DNAJB6: variants seen among roughly 807,000 people sequenced by gnomAD.
DNAJB6 encodes DnaJ heat shock protein family (Hsp40) member B6.
Under a neutral mutation model 42.7 loss-of-function variants are expected in DNAJB6, and 16 were observed. That is an observed-to-expected ratio of 0.37 (90% confidence interval 0.25 to 0.57). The LOEUF (loss-of-function observed/expected upper bound fraction) is 0.57. Ranked by LOEUF, DNAJB6 falls within the 20% of genes least tolerant of loss-of-function variation. The pLI is 0.74. For synonymous variants in DNAJB6, 170 were observed against 163.5 expected, an observed-to-expected ratio of 1.04 and a Z score of -0.30; for missense variants, 347 against 416.8, an observed-to-expected ratio of 0.83 and a Z score of 1.46.
intron 8 of DNAJB6, chr7:157,386,398 C>A: frequency 1.3e-6 from 1 of 751,236 alleles, no homozygotes; most frequent in Non-Finnish European, 1.6e-6. Context: ...GCTGTTCATT[C>A]AGGTGGATGC....
chr7:157,342,408 G>A (rs566864725), intron 1 of DNAJB6, among the ~76,000 whole-genome samples: 1 of 129,138 alleles, frequency 7.7e-6, no homozygotes, highest in Admixed American at 1.0e-4. Context: ...TGCAATCTCA[G>A]CTCACTGCAA....
intron 1 of DNAJB6, among the ~76,000 whole-genome samples, chr7:157,343,842 T>G (rs1798546060): frequency 6.6e-6 from 1 of 152,222 alleles, no homozygotes; most frequent in South Asian, 2.1e-4. Flanking sequence ...TTAGGCTAAT[T>G]TTTTTCATGG....
At chr7:157,351,380 G>T (rs1798963606) in intron 1 of DNAJB6, among the ~76,000 whole-genome samples, 1 of 152,074 alleles carries the variant, frequency 6.6e-6, no homozygotes, top group African/African-American at 2.4e-5. Context: ...TGTAATCCCA[G>T]CACTTTGGGA....
intron 5 of DNAJB6, among the ~76,000 whole-genome samples, chr7:157,373,259 C>T (rs937192811): frequency 3.3e-5 from 5 of 152,154 alleles, no homozygotes; most frequent in African/African-American, 4.8e-5. Context: ...ATATTTCTAA[C>T]GGGTAGATTT....
intron 1 of DNAJB6, 40 bp from the exon 2 acceptor site, chr7:157,358,507 C>G (rs948161048): frequency 7.3e-6 from 10 of 1,377,546 alleles, no homozygotes; most frequent in Non-Finnish European, 1.0e-5. Flanking sequence ...TTTGCCCATC[C>G]CCAGCAGCCT....
intron 2 of DNAJB6, among the ~76,000 whole-genome samples, chr7:157,359,418 G>C (rs1799466683): frequency 6.6e-6 from 1 of 152,138 alleles, no homozygotes; most frequent in Non-Finnish European, 1.5e-5. Flanking sequence ...TCAATATGTT[G>C]CTCAGGCTGG....
chr7:157,403,993 C>T (rs945654378), intron 8 of DNAJB6, among the ~76,000 whole-genome samples: 1 of 151,722 alleles, frequency 6.6e-6, no homozygotes, highest in Non-Finnish European at 1.5e-5. Context: ...TTTTTTAAGG[C>T]AGGATTTCTG....
chr7:157,373,380 T>C (rs187687640), intron 5 of DNAJB6, among the ~76,000 whole-genome samples: 3 of 152,180 alleles, frequency 2.0e-5, no homozygotes, highest in African/African-American at 4.8e-5. Flanking sequence ...AGACAGAGTT[T>C]TGCTCTGTCA....
intron 1 of DNAJB6, among the ~76,000 whole-genome samples, chr7:157,354,043 T>C (rs955008355): frequency 6.6e-6 from 1 of 152,242 alleles, no homozygotes; most frequent in Admixed American, 6.5e-5. Context: ...TTTATTTCAA[T>C]TTAATTCTGA....
At chr7:157,401,568 G>C (rs1008636685) in intron 8 of DNAJB6, among the ~76,000 whole-genome samples, 2 of 152,212 alleles carry the variant, frequency 1.3e-5, no homozygotes, top group Admixed American at 6.5e-5. Context: ...TCATATGGTG[G>C]ATGTAGCAGT....
At position 157,384,755 on chromosome 7, in the gene DNAJB6, T is replaced by G. The variant is rs1800968348; in HGVS notation, c.479-112T>G. 2.8e-6 allele frequency: 3 copies of G among 1,077,518 alleles called. 1 individual carries two copies. In the Admixed American group the frequency reaches 6.5e-5, roughly 23 times the overall value. The allele number at this position is 1,077,518 out of a possible 1,614,324, so 66.7% of individuals were successfully genotyped here. On this transcript the variant is annotated intron_variant, in intron 6 of 9. Coordinates refer to ENST00000262177, the MANE Select transcript of DNAJB6 (RefSeq NM_058246.4). Reference sequence around the variant, plus strand: ...TGATAGTTGCGTCGTTTATTACTCCTCGGTTCTATGCCTTAACATTAAATA... The same window carrying G: ...TGATAGTTGCGTCGTTTATTACTCCGCGGTTCTATGCCTTAACATTAAATA...
chr7:157,358,594 C>T lies in DNAJB6; in HGVS notation c.22C>T (p.Leu8=), dbSNP rs1183989457. ...AAACATGGTGGATTACTATGAAGTTCTAGGCGTGCAGAGACATGCCTCACC... is the reference window on the plus strand; with the variant it reads ...AAACATGGTGGATTACTATGAAGTTTTAGGCGTGCAGAGACATGCCTCACC... MVDYYEV[L]GVQRHASPED... Residue 8 remains leucine (L), a synonymous_variant, in exon 2 of 10, where the codon CTA becomes TTA. Coordinates refer to ENST00000262177, the MANE Select transcript of DNAJB6 (RefSeq NM_058246.4). 1.2e-6 allele frequency: 2 copies of T among 1,613,794 alleles called. No homozygotes were observed. Among genetic ancestry groups the T allele is most frequent in the South Asian group, 1.1e-5 (1 of 91,074 alleles).
At chr7:157,390,896 T>C (rs1363116010) in intron 8 of DNAJB6, among the ~76,000 whole-genome samples, 2 of 152,210 alleles carry the variant, frequency 1.3e-5, no homozygotes, top group Non-Finnish European at 2.9e-5. Flanking sequence ...AGTACAGTGG[T>C]GCAGTCACAG....
intron 3 of DNAJB6, among the ~76,000 whole-genome samples, chr7:157,364,992 C>G (rs1253462367): frequency 6.6e-6 from 1 of 152,210 alleles, no homozygotes; most frequent in African/African-American, 2.4e-5. Flanking sequence ...CACTCTGTTG[C>G]CCAGGCTGGA....
At chr7:157,396,805 C>T (rs909241757) in intron 8 of DNAJB6, among the ~76,000 whole-genome samples, 1 of 152,134 alleles carries the variant, frequency 6.6e-6, no homozygotes, top group African/African-American at 2.4e-5. Flanking sequence ...GAGGCCACAG[C>T]GTATCCCCCG....
chr7:157,375,841 C>T (rs1444775630), intron 5 of DNAJB6, among the ~76,000 whole-genome samples: 3 of 152,164 alleles, frequency 2.0e-5, no homozygotes, highest in Non-Finnish European at 4.4e-5. Context: ...CTTTTGAGGG[C>T]GGCTGTCTAG....
intron 8 of DNAJB6, among the ~76,000 whole-genome samples, chr7:157,405,686 C>T (rs780106327): frequency 1.1e-4 from 16 of 152,220 alleles, no homozygotes; most frequent in Non-Finnish European, 1.9e-4. Flanking sequence ...CAGGCCACAT[C>T]CTGCGCCAAT....
chr7:157,416,270 C>T lies in DNAJB6; in HGVS notation c.*172C>T. 9.6e-7 allele frequency: 1 copy of T among 1,038,784 alleles called. No homozygotes were observed. The highest frequency in any genetic ancestry group is 1.4e-6 in the Non-Finnish European group (1 of 731,060). The allele number at this position is 1,038,784 out of a possible 1,614,324, so 64.3% of individuals were successfully genotyped here. On this transcript the variant is annotated 3_prime_UTR_variant, in exon 10 of 10. Coordinates refer to ENST00000262177, the MANE Select transcript of DNAJB6 (RefSeq NM_058246.4). ...GTCAGAGCAGGGTCAGGAGACGGGG[C>T]TGACGGCACGGGTGGCGGGGACAGA...
chr7:157,383,887 T>C lies in DNAJB6; in HGVS notation c.479-980T>C, dbSNP rs1012220660. Among the ~76,000 whole-genome samples, 4 of 152,342 alleles carry C rather than the reference T, an allele frequency of 2.6e-5. No homozygotes were observed. The South Asian group carries it at 8.3e-4, about 32-fold the overall frequency. On this transcript the variant is annotated intron_variant, in intron 6 of 9. Coordinates refer to ENST00000262177, the MANE Select transcript of DNAJB6 (RefSeq NM_058246.4). ...TGATTTTGATTTTTTGTATTTCCAA[T>C]TGAAATATTTTGGATATACTGTATT...
Sources: allele counts gnomAD v4.1 joint callset (sites outside exome capture counted in the v4.1 genomes callset), GRCh38; gene constraint gnomAD v4.1.1; transcripts MANE v1.5; gene names NCBI Gene and HGNC (gene_info 2026-07-23, HGNC 2026-07-21).